KATNAL2: variants seen among roughly 807,000 people sequenced by gnomAD.
KATNAL2 encodes katanin p60 ATPase-containing subunit A-like 2.
Under a neutral mutation model 76.3 loss-of-function variants are expected in KATNAL2, and 52 were observed. The observed-to-expected ratio is 0.68, with a 90% confidence interval of 0.55 to 0.86. KATNAL2 has a LOEUF of 0.86. KATNAL2 is among the 40% of genes least tolerant of loss of function. The probability of loss-of-function intolerance (pLI) is 0.00; values close to 1 mark genes in which losing one functional copy is unlikely to be tolerated. For missense variants in KATNAL2, 660 were observed against 668.9 expected (o/e 0.99, Z 0.15); for synonymous variants, 243 against 244.2 (o/e 1.00, Z 0.05).
In KATNAL2 at chr18:46,946,253, T is replaced by G. The variant is rs1292779861; in HGVS notation, c.-313T>G. ...AGAGCAGAGGAAAACACGTCCATGT[T>G]TTTCCACGTCTAATGAGAACAGGTC... On this transcript the variant is annotated 5_prime_UTR_variant, in exon 2 of 18. Transcript: ENST00000683218. The G allele has an allele frequency of 9.0e-7, 1 of 1,109,962 alleles. No individual in the cohort carries two copies. Among genetic ancestry groups the G allele is most frequent in the Non-Finnish European group, 1.1e-6 (1 of 898,976 alleles). 68.8% of individuals were successfully genotyped at this position (1,109,962 alleles called of 1,614,324 possible). A position where few individuals can be genotyped will look rare whatever the true frequency, so the allele number is the denominator to read the frequency against.
At position 47,069,200 on chromosome 18, in the gene KATNAL2, C is replaced by T. The variant is rs1239774635; in HGVS notation, c.826-20C>T. 1.3e-6 allele frequency: 2 copies of T among 1,593,480 alleles called. No individual in the cohort carries two copies. The highest frequency in any genetic ancestry group is 2.2e-5 in the East Asian group (1 of 44,768). On this transcript the variant is annotated intron_variant, in intron 11 of 17. Transcript: ENST00000683218. ...TGATGTGTTGGTACCAAACCTCATC[C>T]TTGTTCCTTGTTTCCTTAGTATCCA...
intron 15 of KATNAL2, among the ~76,000 whole-genome samples, chr18:47,077,884 T>C (rs183672491): frequency 1.3e-5 from 2 of 152,246 alleles, no homozygotes; most frequent in East Asian, 3.9e-4. Flanking sequence ...GCACAGTAAA[T>C]AGAAAGGTAA....
intron 6 of KATNAL2, among the ~76,000 whole-genome samples, chr18:47,057,076 A>G (rs1047896288): frequency 7.2e-5 from 11 of 152,146 alleles, no homozygotes; most frequent in Non-Finnish European, 1.6e-4. Context: ...ATGTGTCACC[A>G]TGTGGACATT....
intron 5 of KATNAL2, among the ~76,000 whole-genome samples, 156 bp downstream of exon 5, chr18:47,053,202 T>C (rs1304815303): frequency 2.6e-5 from 4 of 152,152 alleles, no homozygotes; most frequent in Non-Finnish European, 5.9e-5. Context: ...CACAGACAAC[T>C]GAAATATGAT....
intron 15 of KATNAL2, among the ~76,000 whole-genome samples, chr18:47,082,644 C>A (rs1193723883): frequency 6.6e-6 from 1 of 152,130 alleles, no homozygotes; most frequent in Non-Finnish European, 1.5e-5. Flanking sequence ...GCGCAGGGCT[C>A]CATTTTGTGT....
intron 15 of KATNAL2, among the ~76,000 whole-genome samples, chr18:47,088,842 C>T (rs2062883959): frequency 2.0e-5 from 3 of 152,208 alleles, no homozygotes; most frequent in African/African-American, 7.2e-5. Flanking sequence ...GTCTTTAAAT[C>T]ACTTTTAGCT....
intron 3 of KATNAL2, among the ~76,000 whole-genome samples, chr18:47,031,547 G>C (rs1005062675): frequency 2.0e-5 from 3 of 152,128 alleles, no homozygotes; most frequent in African/African-American, 7.2e-5. Flanking sequence ...CCCTTCCACA[G>C]TTTGTAGAAA....
intron 1 of KATNAL2, among the ~76,000 whole-genome samples, chr18:46,943,037 C>G (rs968756449): frequency 6.6e-6 from 1 of 152,060 alleles, no homozygotes; most frequent in Admixed American, 6.6e-5. Flanking sequence ...GAGTAGTACT[C>G]TGATTACTCC....
chr18:47,085,522 A>G (rs747222504), intron 15 of KATNAL2, among the ~76,000 whole-genome samples: 8 of 152,198 alleles, frequency 5.3e-5, no homozygotes, highest in Non-Finnish European at 1.0e-4. Context: ...TCACTATTGT[A>G]GAATCTAAGT....
chr18:46,923,817 G>A (rs1307888862), intron 1 of KATNAL2, among the ~76,000 whole-genome samples: 2 of 152,174 alleles, frequency 1.3e-5, no homozygotes, highest in African/African-American at 4.8e-5. Flanking sequence ...GTATTTCTCT[G>A]ATGGCCAGTG....
chr18:47,071,288 C>T (rs1041568481), intron 13 of KATNAL2, among the ~76,000 whole-genome samples: 8 of 152,134 alleles, frequency 5.3e-5, no homozygotes, highest in Non-Finnish European at 1.0e-4. Flanking sequence ...GCATGAGCCA[C>T]CATGCCTAGC....
intron 3 of KATNAL2, chr18:47,034,760 G>C: frequency 3.1e-6 from 5 of 1,612,702 alleles, no homozygotes; most frequent in Non-Finnish European, 3.4e-6. Flanking sequence ...GGAGAGGCCC[G>C]ATAGCGGCCG....
chr18:47,032,949 A>T, intron 3 of KATNAL2: 2 of 1,612,906 alleles, frequency 1.2e-6, no homozygotes, highest in Non-Finnish European at 1.7e-6. Flanking sequence ...ACCCGCATTG[A>T]CTTTGCCAAT....
At chr18:47,059,442 G>A (rs1357474903) in intron 7 of KATNAL2, 114 bp from the exon 8 acceptor site, 18 of 729,680 alleles carry the variant, frequency 2.5e-5, no homozygotes, top group African/African-American at 5.2e-5. Context: ...TGTGCATGTC[G>A]CGTTCACAGA....
intron 15 of KATNAL2, among the ~76,000 whole-genome samples, chr18:47,095,344 C>A (rs1385729380): frequency 6.6e-6 from 1 of 152,184 alleles, no homozygotes; most frequent in Non-Finnish European, 1.5e-5. Context: ...ATAATCCCCA[C>A]CTGTCAAGGA....
intron 1 of KATNAL2, among the ~76,000 whole-genome samples, chr18:46,934,616 C>G (rs546384938): frequency 2.0e-5 from 3 of 152,066 alleles, no homozygotes; most frequent in Non-Finnish European, 4.4e-5. Context: ...CACTCTGATG[C>G]TAGTTTCTTT....
At chr18:47,043,120 G>A (rs1000746321) in intron 3 of KATNAL2, among the ~76,000 whole-genome samples, 3 of 151,752 alleles carry the variant, frequency 2.0e-5, no homozygotes, top group East Asian at 1.9e-4. Flanking sequence ...CCAGCTACTC[G>A]GGAGGCTGAG....
chr18:46,954,474 G>C (rs1217433832), intron 3 of KATNAL2, among the ~76,000 whole-genome samples: 2 of 151,526 alleles, frequency 1.3e-5, no homozygotes. Context: ...GGGACTACAG[G>C]TGTGTGCCAC....
chr18:47,034,819 C>A (rs747117761), intron 3 of KATNAL2: 3 of 1,612,018 alleles, frequency 1.9e-6, no homozygotes, highest in Middle Eastern at 2.1e-4. Flanking sequence ...TCTGGGCTCG[C>A]GACTGTGAGA....
Sources: gnomAD v4.1 joint callset for allele counts (sites outside exome capture counted in the v4.1 genomes callset) on GRCh38, gnomAD v4.1.1 for gene constraint, MANE v1.5 for transcripts, NCBI Gene and HGNC (gene_info 2026-07-23, HGNC 2026-07-21) for gene names.